Variants in CTNNAL1 observed in about 807,000 individuals in gnomAD.
CTNNAL1 encodes alpha-catulin.
A neutral mutation model predicts 93.6 loss-of-function variants in CTNNAL1; 69 were observed. The observed-to-expected ratio is 0.74, with a 90% CI of 0.61 to 0.90. The LOEUF (loss-of-function observed/expected upper bound fraction) is 0.90. CTNNAL1 is among the 40% of genes least tolerant of loss of function. The probability of loss-of-function intolerance (pLI) is 0.00; values close to 1 mark genes in which losing one functional copy is unlikely to be tolerated. For missense variants in CTNNAL1, 836 were observed against 862.0 expected (o/e 0.97, Z 0.38); for synonymous variants, 286 against 305.4 (o/e 0.94, Z 0.66).
chr9:108,979,973 C>T (rs1441163563), intron 6 of CTNNAL1, among the ~76,000 whole-genome samples: 1 of 152,190 alleles, frequency 6.6e-6, no homozygotes, highest in Non-Finnish European at 1.5e-5. Context: ...CTCCTAGTCA[C>T]CTAACTGGTC....
At chr9:108,966,378 G>A (rs980833730) in intron 10 of CTNNAL1, among the ~76,000 whole-genome samples, 1 of 152,214 alleles carries the variant, frequency 6.6e-6, no homozygotes, top group Admixed American at 6.5e-5. Context: ...TGGATACATA[G>A]GAAGATTACA....
At chr9:108,958,860 A>C (rs1305242008) in intron 11 of CTNNAL1, among the ~76,000 whole-genome samples, 6 of 151,694 alleles carry the variant, frequency 4.0e-5, no homozygotes, top group South Asian at 4.2e-4. Context: ...TGAGTAGCTG[A>C]GTAGCTGGGA....
intron 7 of CTNNAL1, 136 bp from the exon 8 acceptor site, chr9:108,977,184 C>T: frequency 4.7e-6 from 2 of 426,850 alleles, no homozygotes; most frequent in Non-Finnish European, 8.2e-6. Context: ...TCAAAATTTA[C>T]CTGTTTAAGT....
intron 8 of CTNNAL1, among the ~76,000 whole-genome samples, chr9:108,974,960 T>A (rs540728749): frequency 1.3e-5 from 2 of 151,964 alleles, no homozygotes; most frequent in African/African-American, 4.8e-5. Context: ...GTCAGGAGTT[T>A]GAGACCAGCC....
Position 108,972,578 on chromosome 9 carries a change from GA to G in CTNNAL1, c.1347+96del, listed in dbSNP as rs1831144008. 8 of 1,094,464 alleles carry G rather than the reference GA, an allele frequency of 7.3e-6. No individual in the cohort carries two copies. In the Admixed American group the frequency reaches 1.1e-4, roughly 15 times the overall value. The allele number at this position is 1,094,464 out of a possible 1,614,324, so 67.8% of individuals were successfully genotyped here. ...TGCCAAAGGAGAGAGAAAATGCTCA[GA>G]TAAATTAACCCAAAACTGTATTTGT... On this transcript the variant is annotated intron_variant, in intron 9 of 18. Transcript: ENST00000325551.
At chr9:108,992,920 C>A in intron 2 of CTNNAL1, 101 bp from the exon 3 acceptor site, 1 of 1,255,584 alleles carries the variant, frequency 8.0e-7, no homozygotes, top group Non-Finnish European at 1.1e-6. Flanking sequence ...AGAAACTCAG[C>A]TTTGGAGTCT....
chr9:108,948,165 T>TA (rs1830459552), intron 15 of CTNNAL1, 21 bp downstream of exon 15: 1 of 1,609,390 alleles, frequency 6.2e-7, no homozygotes. Flanking sequence ...AGTACTAGCA[T>TA]AAAACGGAAA....
chr9:109,004,323 C>A (rs1826947304), intron 1 of CTNNAL1, among the ~76,000 whole-genome samples: 1 of 152,148 alleles, frequency 6.6e-6, no homozygotes, highest in Non-Finnish European at 1.5e-5. Context: ...TATTAATCAT[C>A]CTCATTTCCC....
chr9:108,997,596 C>T (rs1832070433), intron 2 of CTNNAL1, among the ~76,000 whole-genome samples: 1 of 152,176 alleles, frequency 6.6e-6, no homozygotes, highest in African/African-American at 2.4e-5. Flanking sequence ...CACCCCTCTA[C>T]ATTTACTTGG....
Position 108,970,504 on chromosome 9 carries a change from A to T in CTNNAL1, c.1348-10T>A, listed in dbSNP as rs191078247. ...GTAACAATCGACAGGTCTACAAGAC[A>T]ATATGTCTACAGTTTAACTTTCACA... On this transcript the variant is annotated splice_polypyrimidine_tract_variant and intron_variant, in intron 9 of 18. Coordinates refer to ENST00000325551, the MANE Select transcript of CTNNAL1 (RefSeq NM_003798.4). 1.2e-6 allele frequency: 2 copies of T among 1,605,212 alleles called. No homozygotes were observed. The highest frequency in any genetic ancestry group is 3.4e-5 in the Admixed American group (2 of 58,632).
At chr9:108,972,587 AC>A (rs1831144215) in intron 9 of CTNNAL1, 87 bp downstream of exon 9, 5 of 1,171,144 alleles carry the variant, frequency 4.3e-6, no homozygotes, top group Admixed American at 2.1e-5. Flanking sequence ...AGATAAATTA[AC>A]CCAAAACTGT....
Position 109,003,111 on chromosome 9 carries a change from C to G in CTNNAL1, c.142-3855G>C, listed in dbSNP as rs531191126. Reference sequence around the variant, plus strand: ...TCTAAAGATGAAGCTAAGGGTACGACTATAAAATCTTAAGATCTCAGAAAG... The same window carrying G: ...TCTAAAGATGAAGCTAAGGGTACGAGTATAAAATCTTAAGATCTCAGAAAG... On this transcript the variant is annotated intron_variant, in intron 1 of 18. Coordinates refer to ENST00000325551, the MANE Select transcript of CTNNAL1 (RefSeq NM_003798.4). Among the ~76,000 whole-genome samples, 18 of 152,280 alleles carry G rather than the reference C, an allele frequency of 1.2e-4. No individual in the cohort carries two copies. The South Asian group carries it at 3.7e-3, about 32-fold the overall frequency.
Position 108,952,480 on chromosome 9 carries a change from G to A in CTNNAL1, c.1644C>T (p.Asn548=). 2 of 1,614,134 alleles carry A rather than the reference G, an allele frequency of 1.2e-6. No individual in the cohort carries two copies. Among genetic ancestry groups the A allele is most frequent in the South Asian group, 1.1e-5 (1 of 91,084 alleles). ...GCTTGTCTGGCTTTAATGATTTCAGGTTTGCATTATTCTTCTGTGACAATA... is the reference window on the plus strand; with the variant it reads ...GCTTGTCTGGCTTTAATGATTTCAGATTTGCATTATTCTTCTGTGACAATA... The part of the protein sequence containing the change: ...SLPKPMKNNA[N]LKSLKPDKPD... Residue 548 remains asparagine (N), a synonymous_variant, in exon 13 of 19, where the codon AAC becomes AAT. Coordinates refer to ENST00000325551, the MANE Select transcript of CTNNAL1 (RefSeq NM_003798.4).
chr9:109,010,394 A>T (rs1827172161), intron 1 of CTNNAL1, among the ~76,000 whole-genome samples: 1 of 152,050 alleles, frequency 6.6e-6, no homozygotes, highest in South Asian at 2.1e-4. Flanking sequence ...TCTCCTTGTC[A>T]TATTACACTG....
chr9:108,977,751 A>G (rs778331651), intron 7 of CTNNAL1, among the ~76,000 whole-genome samples: 3 of 152,212 alleles, frequency 2.0e-5, no homozygotes, highest in Non-Finnish European at 2.9e-5. Flanking sequence ...AAATATCACT[A>G]CTTCATGAAG....
chr9:109,008,534 C>A (rs115017913), intron 1 of CTNNAL1, among the ~76,000 whole-genome samples: 1 of 152,280 alleles, frequency 6.6e-6, no homozygotes, highest in Non-Finnish European at 1.5e-5. Flanking sequence ...TAATGCCCAC[C>A]TTCAATTATA....
intron 15 of CTNNAL1, 107 bp downstream of exon 15, chr9:108,948,079 A>G (rs975267167): frequency 1.6e-6 from 2 of 1,257,956 alleles, no homozygotes; most frequent in African/African-American, 3.0e-5. Flanking sequence ...ACAGGTAGGT[A>G]CAGATGTAAG....
At chr9:108,987,209 G>A (rs982625940) in intron 4 of CTNNAL1, among the ~76,000 whole-genome samples, 14 of 152,090 alleles carry the variant, frequency 9.2e-5, no homozygotes, top group African/African-American at 3.4e-4. Flanking sequence ...TTTTGTATAA[G>A]GTGTAAGGAA....
rs1372584546 is a variant in CTNNAL1, at chr9:108,952,309, C to T, written c.1735G>A (p.Ala579Thr). 19 of 1,614,068 alleles carry T rather than the reference C, an allele frequency of 1.2e-5. No homozygotes were observed. The highest frequency in any genetic ancestry group is 6.7e-5 in the East Asian group (3 of 44,888). ...TCCCACTTCTCAATTTCGCAGTCAG[C>T]GTCAGAGGTGAGCAAACCCAGCTTA... The part of the protein sequence containing the change: ...GLKLGLLTSD[A>T]DCEIEKWEDQ... Residue 579 changes from alanine to threonine, a missense_variant, in exon 14 of 19, where the codon GCT becomes ACT. Physicochemically the swap from Ala to Thr is moderately conservative, Grantham distance 58 (BLOSUM62 0). Transcript: ENST00000325551.
Sources: allele counts gnomAD v4.1 joint callset (sites outside exome capture counted in the v4.1 genomes callset), GRCh38; gene constraint gnomAD v4.1.1; transcripts MANE v1.5; gene names NCBI Gene and HGNC (gene_info 2026-07-23, HGNC 2026-07-21).